UBASH3B: variants seen among roughly 807,000 people sequenced by gnomAD.
UBASH3B encodes ubiquitin-associated and SH3 domain-containing protein B.
UBASH3B carries 37 observed loss-of-function variants against 83.4 expected under a neutral mutation model. The observed-to-expected ratio is 0.44, with a 90% confidence interval of 0.34 to 0.58. The LOEUF is 0.58. Among genes scored for constraint, UBASH3B ranks in the 20% least tolerant of loss-of-function variants. The pLI is 0.01. For missense variants in UBASH3B, 657 were observed against 827.2 expected (o/e 0.79, Z 2.52); for synonymous variants, 304 against 318.3 (o/e 0.96, Z 0.48).
At chr11:122,740,946 C>T (rs1861013496) in intron 1 of UBASH3B, among the ~76,000 whole-genome samples, 2 of 152,156 alleles carry the variant, frequency 1.3e-5, no homozygotes, top group African/African-American at 4.8e-5. Context: ...AAAATGGGGA[C>T]TGAGGTTAGT....
intron 1 of UBASH3B, among the ~76,000 whole-genome samples, chr11:122,681,762 C>A (rs1863742322): frequency 6.6e-6 from 1 of 152,122 alleles, no homozygotes; most frequent in Non-Finnish European, 1.5e-5. Flanking sequence ...CTTGCTTGAT[C>A]CCTTCAGGGT....
intron 1 of UBASH3B, among the ~76,000 whole-genome samples, chr11:122,705,650 G>A (rs746260822): frequency 1.4e-4 from 22 of 151,960 alleles, no homozygotes; most frequent in South Asian, 4.1e-4. Context: ...AGGCGCTACC[G>A]TCACAAATGT....
intron 1 of UBASH3B, among the ~76,000 whole-genome samples, chr11:122,688,821 T>C (rs1294388119): frequency 1.3e-5 from 2 of 152,022 alleles, no homozygotes; most frequent in Non-Finnish European, 2.9e-5. Context: ...ATTTTTTGTA[T>C]TTTTAGTAGA....
chr11:122,794,847 G>T lies in UBASH3B; in HGVS notation c.1113+13G>T. On this transcript the variant is annotated intron_variant, in intron 7 of 13. Transcript: ENST00000284273. ...CCAGCCCATGCAGGTAAGGCTGATT[G>T]CTAGGGTCACACCCCCAACTCTAAC... 6.2e-7 allele frequency: 1 copy of T among 1,612,998 alleles called. No homozygotes were observed.
At chr11:122,722,855 G>A (rs541414519) in intron 1 of UBASH3B, among the ~76,000 whole-genome samples, 11 of 152,058 alleles carry the variant, frequency 7.2e-5, no homozygotes, top group South Asian at 4.2e-4. Context: ...ACAGGTGCCC[G>A]CAACCATGCC....
chr11:122,706,637 A>T (rs1864123284), intron 1 of UBASH3B, among the ~76,000 whole-genome samples: 1 of 152,146 alleles, frequency 6.6e-6, no homozygotes, highest in African/African-American at 2.4e-5. Flanking sequence ...TGATCTCCTG[A>T]TGTTGGAATC....
chr11:122,717,627 C>T (rs1010948850), intron 1 of UBASH3B, among the ~76,000 whole-genome samples: 4 of 152,212 alleles, frequency 2.6e-5, no homozygotes, highest in Non-Finnish European at 5.9e-5. Flanking sequence ...AGTGGGGAAA[C>T]AGCCCCTTAG....
At chr11:122,739,927 T>G (rs1860997574) in intron 1 of UBASH3B, among the ~76,000 whole-genome samples, 1 of 152,244 alleles carries the variant, frequency 6.6e-6, no homozygotes, top group Non-Finnish European at 1.5e-5. Flanking sequence ...TATCCTGTCT[T>G]CTATGATAGC....
At position 122,768,508 on chromosome 11, in the gene UBASH3B, G is replaced by GTGTGTGTGTGTGTGTA. The variant is rs557159523; in HGVS notation, c.162-7710_162-7709insGTGTGTGTGTGTGTAT. ...TGTGTGTGTGTGTGTGTGTGTGTGT[G>GTGTGTGTGTGTGTGTA]TATATATATATATTTGAGACTGAGC... On this transcript the variant is annotated intron_variant, in intron 1 of 13. Transcript: ENST00000284273. Among the ~76,000 whole-genome samples the GTGTGTGTGTGTGTGTA allele has an allele frequency of 3.4e-3, 453 of 134,368 alleles. 2 individuals are homozygous for GTGTGTGTGTGTGTGTA. The highest frequency in any genetic ancestry group is 8.0e-3 in the Middle Eastern group (2 of 250). The allele number at this position is 134,368 out of a possible 152,430, so 88.2% of individuals were successfully genotyped here. A position where few individuals can be genotyped will look rare whatever the true frequency, so the allele number is the denominator to read the frequency against.
At chr11:122,713,804 T>A (rs1011906402) in intron 1 of UBASH3B, among the ~76,000 whole-genome samples, 1 of 151,292 alleles carries the variant, frequency 6.6e-6, no homozygotes, top group African/African-American at 2.4e-5. Flanking sequence ...ATCCAGTAGG[T>A]CTTGGGGAAC....
chr11:122,678,475 G>A (rs562251558), intron 1 of UBASH3B, among the ~76,000 whole-genome samples: 1 of 152,308 alleles, frequency 6.6e-6, no homozygotes, highest in Admixed American at 6.5e-5. Context: ...GGAAATGCCT[G>A]CAGCCTCTAG....
chr11:122,766,202 A>G (rs907689330), intron 1 of UBASH3B, among the ~76,000 whole-genome samples: 4 of 152,344 alleles, frequency 2.6e-5, no homozygotes, highest in Middle Eastern at 3.4e-3. Flanking sequence ...TTATTCTGCC[A>G]GGAATATAGA....
chr11:122,794,152 A>G (rs1861109432), intron 6 of UBASH3B, among the ~76,000 whole-genome samples: 1 of 152,190 alleles, frequency 6.6e-6, no homozygotes, highest in Non-Finnish European at 1.5e-5. Context: ...GAATGAATAT[A>G]TCTGTCCTCA....
chr11:122,664,565 T>C (rs557531630), intron 1 of UBASH3B, among the ~76,000 whole-genome samples: 1 of 152,274 alleles, frequency 6.6e-6, no homozygotes, highest in East Asian at 1.9e-4. Flanking sequence ...GATGGGTGGG[T>C]AGATGTGGCA....
At chr11:122,796,715 A>G (rs533459108) in intron 8 of UBASH3B, among the ~76,000 whole-genome samples, 196 bp from the exon 9 acceptor site, 2 of 152,296 alleles carry the variant, frequency 1.3e-5, no homozygotes, top group Non-Finnish European at 2.9e-5. Context: ...CACTTTTGTC[A>G]GTAGAATGGA....
intron 1 of UBASH3B, among the ~76,000 whole-genome samples, chr11:122,703,235 G>A (rs1367392986): frequency 2.0e-5 from 3 of 152,022 alleles, no homozygotes; most frequent in Non-Finnish European, 2.9e-5. Context: ...AGAGCATCCT[G>A]GCTAACACAG....
intron 1 of UBASH3B, among the ~76,000 whole-genome samples, chr11:122,708,130 C>G (rs1017994844): frequency 6.6e-6 from 1 of 152,188 alleles, no homozygotes; most frequent in Non-Finnish European, 1.5e-5. Context: ...AAGCCACTTA[C>G]TCTTTGGAGA....
rs765563521 is a variant in UBASH3B at position 122,794,737 on chromosome 11, C to G, written c.1016C>G (p.Ser339Cys). The change falls in exon 7 of 14, where the codon TCT (serine) becomes TGT (cysteine). Residue 339 changes from serine (S) to cysteine (C), a missense_variant. By Grantham distance (112) the Ser-to-Cys change is moderately radical. Coordinates refer to ENST00000284273, the MANE Select transcript of UBASH3B (RefSeq NM_032873.5). ...YSILNTSSSN[S>C]LTFGDGVLER... ...ATCTTAAATACATCGTCATCCAACT[C>G]TCTCACGTTTGGGGATGGAGTATTG... 2 of 1,614,162 alleles carry G rather than the reference C, an allele frequency of 1.2e-6. No homozygotes were observed. Among genetic ancestry groups the G allele is most frequent in the East Asian group, 2.2e-5 (1 of 44,880 alleles).
intron 1 of UBASH3B, among the ~76,000 whole-genome samples, chr11:122,773,369 C>T (rs10892897): frequency 0.3 from 45,805 of 152,192 alleles, 8,125 homozygotes; most frequent in Non-Finnish European, 0.39. Context: ...GAAGGGCCAG[C>T]AAGGTTTGTC....
Sources: allele counts gnomAD v4.1 joint callset (sites outside exome capture counted in the v4.1 genomes callset), GRCh38; gene constraint gnomAD v4.1.1; transcripts MANE v1.5; gene names NCBI Gene and HGNC (gene_info 2026-07-23, HGNC 2026-07-21).